The following ZC3H14 variants were observed in gnomAD, a reference collection of about 807,000 sequenced individuals.
ZC3H14 encodes the protein zinc finger CCCH domain-containing protein 14.
ZC3H14 carries 31 observed loss-of-function variants against 92.4 expected under a neutral mutation model. That is an observed-to-expected ratio of 0.34 (90% CI 0.25 to 0.45). The LOEUF (loss-of-function observed/expected upper bound fraction) is 0.45. ZC3H14 is among the 20% of genes least tolerant of loss of function. The pLI is 1.00. For synonymous variants in ZC3H14, 321 were observed against 300.9 expected (o/e 1.07, Z -0.69); for missense variants, 781 against 897.3 (o/e 0.87, Z 1.66).
intron 4 of ZC3H14, among the ~76,000 whole-genome samples, chr14:88,571,469 TTAAC>T (rs1255556014): frequency 1.3e-5 from 2 of 152,188 alleles, no homozygotes; most frequent in Non-Finnish European, 2.9e-5. Context: ...GGAATAATAT[TTAAC>T]TATTAAAAAT....
At chr14:88,607,813 C>G (rs1159492244) in intron 13 of ZC3H14, among the ~76,000 whole-genome samples, 1 of 137,286 alleles carries the variant, frequency 7.3e-6, no homozygotes, top group Non-Finnish European at 1.6e-5. Context: ...CATCCCCCAC[C>G]TCAGCCTGCA....
rs1019425015 is a variant in ZC3H14 at position 88,624,804 on chromosome 14, A to G, written c.*13053A>G. On this transcript the variant is annotated 3_prime_UTR_variant, in exon 17 of 17. Transcript: ENST00000251038. ...AATTGGAAGTGAATTAAGACCAGAA[A>G]TGAGAATCAAATAGAAGGCACATAA... is the stretch of plus-strand genomic sequence containing the variant. 6 of 780,758 alleles carry G rather than the reference A, an allele frequency of 7.7e-6. No individual in the cohort carries two copies. The highest frequency in any genetic ancestry group is 9.8e-6 in the Non-Finnish European group (5 of 508,184). The allele number at this position is 780,758 out of a possible 1,614,324, so 48.4% of individuals were successfully genotyped here.
In ZC3H14 at chr14:88,575,840, A is replaced by G. The variant is rs1176899259; in HGVS notation, c.1023A>G (p.Arg341=). The change falls in exon 8 of 17, where the codon AGA becomes AGG. Residue 341 remains arginine (R), a splice_region_variant and synonymous_variant. Transcript: ENST00000251038. ...SVSVPAKPER[R]PSLPPSKQAN... is the part of the protein sequence containing the mutation. Reference sequence around the variant, plus strand: ...AAAATACCTTTCTTAACTCTTTTAGACCTTCTCTTCCACCTTCTAAACAAG... The same window carrying G: ...AAAATACCTTTCTTAACTCTTTTAGGCCTTCTCTTCCACCTTCTAAACAAG... 1.9e-6 allele frequency: 3 copies of G among 1,611,914 alleles called. No individual in the cohort carries two copies. In the East Asian group the frequency reaches 6.7e-5, roughly 36 times the overall value.
At chr14:88,596,904 C>G in intron 10 of ZC3H14, 96 bp downstream of exon 10, 1 of 1,018,008 alleles carries the variant, frequency 9.8e-7, no homozygotes, top group Non-Finnish European at 1.6e-6. Context: ...CTCTTAGATC[C>G]TGCCCTAAGA....
At chr14:88,607,544 T>TTCACCCTGCAAGTACCATCCCCCACC (rs2085647393) in intron 13 of ZC3H14, among the ~76,000 whole-genome samples, 181 bp downstream of exon 13, 1 of 95,886 alleles carries the variant, frequency 1.0e-5, no homozygotes, top group Non-Finnish European at 2.0e-5. Flanking sequence ...ACCATCCCAT[T>TTCACCCTGCAAGTACCATCCCCCACC]TCACCCTGCA....
At chr14:88,582,101 T>C (rs1595613601) in intron 9 of ZC3H14, among the ~76,000 whole-genome samples, 1 of 152,344 alleles carries the variant, frequency 6.6e-6, no homozygotes, top group East Asian at 1.9e-4. Flanking sequence ...TAAAATAGCC[T>C]AAAAGATTTG....
intron 10 of ZC3H14, among the ~76,000 whole-genome samples, chr14:88,597,706 C>T (rs2084037319): frequency 6.6e-6 from 1 of 152,200 alleles, no homozygotes; most frequent in African/African-American, 2.4e-5. Flanking sequence ...CAGACATTCT[C>T]TGCCCGTGAT....
chr14:88,568,436 G>A (rs2139516550), intron 3 of ZC3H14, among the ~76,000 whole-genome samples: 1 of 152,336 alleles, frequency 6.6e-6, no homozygotes, highest in South Asian at 2.1e-4. Flanking sequence ...CAAGTCGACA[G>A]GAAAGAGAAG....
At chr14:88,563,547 T>A in intron 1 of ZC3H14, 104 bp from the exon 2 acceptor site, 1 of 1,584,838 alleles carries the variant, frequency 6.3e-7, no homozygotes, top group Non-Finnish European at 8.6e-7. Flanking sequence ...GCCCGGGGGA[T>A]CCGAGGTGCG....
At chr14:88,566,271 TAATA>T (rs1474881828) in intron 2 of ZC3H14, among the ~76,000 whole-genome samples, 6 of 151,956 alleles carry the variant, frequency 3.9e-5, no homozygotes, top group Admixed American at 6.6e-5. Flanking sequence ...TTTAATGAAT[TAATA>T]AATACTTTTT....
At chr14:88,565,932 A>G (rs761330624) in intron 2 of ZC3H14, among the ~76,000 whole-genome samples, 11 of 145,578 alleles carry the variant, frequency 7.6e-5, no homozygotes, top group Non-Finnish European at 1.0e-4. Context: ...CAGTGGTGCA[A>G]TCTTGGCTCA....
At chr14:88,593,116 C>T (rs757595127) in intron 9 of ZC3H14, among the ~76,000 whole-genome samples, 4 of 151,160 alleles carry the variant, frequency 2.6e-5, no homozygotes, top group Admixed American at 6.6e-5. Context: ...AACAGGCGTG[C>T]GCCACCACAC....
intron 9 of ZC3H14, chr14:88,594,751 T>C (rs1269426863): frequency 2.0e-5 from 32 of 1,613,950 alleles, no homozygotes; most frequent in Non-Finnish European, 2.5e-5. Flanking sequence ...AAAGTTTCCA[T>C]CACCACCTCT....
chr14:88,591,614 T>C (rs956558693), intron 9 of ZC3H14: 1 of 152,196 alleles, frequency 6.6e-6, no homozygotes, highest in Non-Finnish European at 1.5e-5. Context: ...GGGGAGATTT[T>C]ACATTCAAAG....
At chr14:88,610,548 A>T (rs2086446471) in intron 15 of ZC3H14, among the ~76,000 whole-genome samples, 1 of 151,348 alleles carries the variant, frequency 6.6e-6, no homozygotes, top group Non-Finnish European at 1.5e-5. Context: ...CAGGCCTGCT[A>T]TCCTAGTACT....
intron 15 of ZC3H14, 102 bp downstream of exon 15, chr14:88,609,905 G>A: frequency 7.9e-7 from 1 of 1,267,892 alleles, no homozygotes; most frequent in East Asian, 2.5e-5. Context: ...AAAAGTAATT[G>A]CGATTTTTGC....
In ZC3H14 at chr14:88,613,993, T is replaced by C. The variant is rs2087217835; in HGVS notation, c.*2242T>C. The C allele has an allele frequency of 1.3e-5, 2 of 152,186 alleles. No homozygotes were observed. The highest frequency in any genetic ancestry group is 1.3e-4 in the Admixed American group (2 of 15,274). The allele number at this position is 152,186 out of a possible 1,614,324, so 9.4% of individuals were successfully genotyped here. ...AGTGATTAAGGCTGACTTAATCAGG[T>C]TGGCCACTTTGAAGGACAGAAATGC... On this transcript the variant is annotated 3_prime_UTR_variant, in exon 17 of 17. Transcript: ENST00000251038.
intron 8 of ZC3H14, among the ~76,000 whole-genome samples, chr14:88,576,390 T>G (rs1029163292): frequency 3.3e-5 from 5 of 152,238 alleles, no homozygotes; most frequent in African/African-American, 4.8e-5. Flanking sequence ...GCGGAACTCA[T>G]TAGTAGAATA....
chr14:88,576,300 A>G (rs1317058068), intron 8 of ZC3H14, among the ~76,000 whole-genome samples: 2 of 152,236 alleles, frequency 1.3e-5, no homozygotes, highest in African/African-American at 2.4e-5. Context: ...GGGGAGTACA[A>G]TTGGACAATG....
Sources: gnomAD v4.1 joint callset for allele counts (sites outside exome capture counted in the v4.1 genomes callset) on GRCh38, gnomAD v4.1.1 for gene constraint, MANE v1.5 for transcripts, NCBI Gene and HGNC (gene_info 2026-07-23, HGNC 2026-07-21) for gene names.